Variants in CCDC3 observed in about 807,000 individuals in gnomAD.
The protein encoded by CCDC3 is coiled-coil domain containing 3.
A neutral mutation model predicts 21.4 loss-of-function variants in CCDC3; 24 were observed. The observed-to-expected ratio is 1.12, with a 90% CI of 0.81 to 1.58. The LOEUF (loss-of-function observed/expected upper bound fraction) is 1.58, where lower values mean the gene tolerates loss of function less well. Among genes scored for constraint, CCDC3 ranks in the 40% most tolerant of loss-of-function variants. CCDC3 has a pLI of 0.00. For missense variants in CCDC3, 425 were observed against 360.9 expected (o/e 1.18, Z -1.44); for synonymous variants, 186 against 166.0 (o/e 1.12, Z -0.93).
intron 2 of CCDC3, among the ~76,000 whole-genome samples, chr10:12,984,728 G>T (rs1222044017): frequency 6.6e-6 from 1 of 152,114 alleles, no homozygotes; most frequent in Non-Finnish European, 1.5e-5. Flanking sequence ...AAAGAACAAA[G>T]TACTGATTCA....
At chr10:13,098,514 G>T (rs559347240) in intron 3 of CCDC3, 3 of 151,924 alleles carry the variant, frequency 2.0e-5, no homozygotes, top group Admixed American at 2.0e-4. Flanking sequence ...GCCTAGTGAA[G>T]TACGACTTAC....
intron 5 of CCDC3, among the ~76,000 whole-genome samples, chr10:13,026,014 C>T (rs1836209856): frequency 6.6e-6 from 1 of 152,038 alleles, no homozygotes; most frequent in Non-Finnish European, 1.5e-5. Context: ...AACTCCATCT[C>T]TACAAAAAAT....
At chr10:13,017,046 C>T (rs545913467) in intron 5 of CCDC3, among the ~76,000 whole-genome samples, 7 of 152,074 alleles carry the variant, frequency 4.6e-5, no homozygotes, top group South Asian at 4.2e-4. Flanking sequence ...GGTTGAGGAG[C>T]GCCTCGTACA....
At chr10:13,072,275 C>A (rs2131440533) in intron 4 of CCDC3, among the ~76,000 whole-genome samples, 1 of 152,278 alleles carries the variant, frequency 6.6e-6, no homozygotes, top group African/African-American at 2.4e-5. Flanking sequence ...TTAGATAAGC[C>A]TCTGAGGGAG....
intron 2 of CCDC3, among the ~76,000 whole-genome samples, chr10:12,920,193 A>G (rs1296749033): frequency 1.3e-5 from 2 of 152,182 alleles, no homozygotes; most frequent in African/African-American, 2.4e-5. Context: ...CACGTCTTAC[A>G]TGGCGGCAGG....
intron 2 of CCDC3, among the ~76,000 whole-genome samples, chr10:12,952,411 T>C (rs1262024893): frequency 6.6e-6 from 1 of 152,228 alleles, no homozygotes. Context: ...TCATGTTTCA[T>C]TGAGGTGCAA....
At chr10:13,099,378 CT>C (rs1832686598) in intron 1 of CCDC3, 2 of 144,406 alleles carry the variant, frequency 1.4e-5, no homozygotes, top group South Asian at 2.3e-4. Flanking sequence ...CCCTCCCTCT[CT>C]CCCTCCCTCT....
At chr10:13,088,997 G>A (rs1293390741) in intron 3 of CCDC3, among the ~76,000 whole-genome samples, 10 of 149,326 alleles carry the variant, frequency 6.7e-5, no homozygotes, top group African/African-American at 2.5e-4. Context: ...GTGACAGAGT[G>A]AGACTGTCTC....
intron 2 of CCDC3, among the ~76,000 whole-genome samples, chr10:12,934,936 ATTATGTTACCCACACTG>A (rs1287320607): frequency 6.6e-6 from 1 of 150,704 alleles, no homozygotes; most frequent in Non-Finnish European, 1.5e-5. Flanking sequence ...GTCTTATCTT[ATTATGTTACCCACACTG>A]GAGTCCATTG....
At chr10:13,011,220 C>T (rs559470797) in intron 5 of CCDC3, among the ~76,000 whole-genome samples, 1 of 150,226 alleles carries the variant, frequency 6.7e-6, no homozygotes, top group East Asian at 1.9e-4. Flanking sequence ...AAGGCGGCAT[C>T]GAAATAGGAA....
At chr10:13,025,647 C>A (rs562334323) in intron 5 of CCDC3, among the ~76,000 whole-genome samples, 1 of 152,332 alleles carries the variant, frequency 6.6e-6, no homozygotes, top group East Asian at 1.9e-4. Context: ...TTTTGGTCCT[C>A]ACTTTCAGTG....
intron 2 of CCDC3, among the ~76,000 whole-genome samples, chr10:12,920,661 G>C (rs1398077347): frequency 1.3e-5 from 2 of 152,154 alleles, no homozygotes; most frequent in Non-Finnish European, 2.9e-5. Context: ...ACTAATACCA[G>C]GCACTGTATG....
At chr10:12,918,794 C>T (rs975918811) in intron 2 of CCDC3, among the ~76,000 whole-genome samples, 1 of 152,210 alleles carries the variant, frequency 6.6e-6, no homozygotes, top group Non-Finnish European at 1.5e-5. Context: ...TGGCTCATGC[C>T]TGTAATCCCA....
chr10:13,060,166 A>G (rs1416649904), intron 4 of CCDC3, among the ~76,000 whole-genome samples: 1 of 151,604 alleles, frequency 6.6e-6, no homozygotes, highest in East Asian at 1.9e-4. Context: ...AAACAAAACA[A>G]AACAAACAAA....
intron 5 of CCDC3, among the ~76,000 whole-genome samples, chr10:13,019,105 G>C (rs1312453048): frequency 6.6e-5 from 10 of 152,194 alleles, no homozygotes; most frequent in Non-Finnish European, 1.5e-5. Flanking sequence ...GTGGTGGCAG[G>C]CTCCTGTAGT....
intron 2 of CCDC3, among the ~76,000 whole-genome samples, chr10:12,964,948 C>G (rs1177278753): frequency 6.6e-6 from 1 of 152,170 alleles, no homozygotes; most frequent in Non-Finnish European, 1.5e-5. Context: ...CAGACAGTGG[C>G]TTTCTCTGAA....
chr10:13,013,600 C>T (rs1836011164), intron 5 of CCDC3, among the ~76,000 whole-genome samples: 1 of 151,830 alleles, frequency 6.6e-6, no homozygotes, highest in Admixed American at 6.6e-5. Context: ...TGGCAGATAC[C>T]ATGGTAATCC....
At position 13,092,092 on chromosome 10, in the gene CCDC3, GC is replaced by G. The variant is rs1832579578; in HGVS notation, c.-503+6432del. The stretch of plus-strand genomic sequence containing the variant: ...GATAGCTGCAGCAAAGGTGGTGGAG[GC>G]GGGCACACTGTGAACATACAAAGAA... On this transcript the variant is annotated intron_variant, in intron 3 of 6. Coordinates refer to the CCDC3 transcript ENST00000378839. Among the ~76,000 whole-genome samples, 3 of 152,296 alleles carry G rather than the reference GC, an allele frequency of 2.0e-5. No homozygotes were observed. The East Asian group carries it at 5.8e-4, about 29-fold the overall frequency.
At chr10:13,002,550 A>G (rs140856193), upstream of CCDC3, among the ~76,000 whole-genome samples, 444 of 152,042 alleles carry the variant, frequency 2.9e-3, 1 homozygote, top group African/African-American at 1.0e-2. Flanking sequence ...GCCACCCCGG[A>G]TAATTTTTTG....
Sources: gnomAD v4.1 joint callset for allele counts (sites outside exome capture counted in the v4.1 genomes callset) on GRCh38, gnomAD v4.1.1 for gene constraint, MANE v1.5 for transcripts, NCBI Gene and HGNC (gene_info 2026-07-23, HGNC 2026-07-21) for gene names.